TRANK1: variants seen among roughly 807,000 people sequenced by gnomAD.
The protein encoded by TRANK1 is TPR and ankyrin repeat-containing protein 1.
Under a neutral mutation model 266.0 loss-of-function variants are expected in TRANK1, and 198 were observed. The ratio of observed to expected loss-of-function variants is 0.74; its 90% CI spans 0.66 to 0.84. TRANK1 has a LOEUF of 0.84. TRANK1 is among the 40% of genes least tolerant of loss of function. TRANK1 has a pLI of 0.00. For synonymous variants in TRANK1, 1,396 were observed against 1,384.1 expected, an observed-to-expected ratio of 1.01 and a Z score of -0.19; for missense variants, 3,326 against 3,634.6, an observed-to-expected ratio of 0.92 and a Z score of 2.18.
rs143850138 is a variant in TRANK1, at chr3:36,881,744, G to C, written c.908-7448C>G. On this transcript the variant is annotated intron_variant, in intron 8 of 23. Transcript: ENST00000645898. The stretch of plus-strand genomic sequence containing the variant: ...CTAAAATAAATCTCATACACATTAA[G>C]TCATTCTCTACTCCCCTTCCCAAAC... 1.8e-3 allele frequency among the ~76,000 whole-genome samples: 268 copies of C among 152,238 alleles called. 4 individuals are homozygous for C. The East Asian group carries it at 0.041, about 23-fold the overall frequency.
intron 1 of TRANK1, among the ~76,000 whole-genome samples, chr3:36,915,853 G>A (rs1445060691): frequency 1.3e-5 from 2 of 152,192 alleles, no homozygotes; most frequent in Non-Finnish European, 2.9e-5. Flanking sequence ...GACGAGGACA[G>A]TAGGTGTCCA....
intron 4 of TRANK1, among the ~76,000 whole-genome samples, chr3:36,898,897 A>G (rs552059133): frequency 6.6e-6 from 1 of 152,080 alleles, no homozygotes; most frequent in Non-Finnish European, 1.5e-5. Context: ...AGTTTTAGTC[A>G]TTTATGTGAA....
At chr3:36,880,589 CT>C in intron 8 of TRANK1, 2 of 198,124 alleles carry the variant, frequency 1.0e-5, no homozygotes, top group South Asian at 1.1e-4. Context: ...CTGTAAATCC[CT>C]TCCACTTGAG....
intron 3 of TRANK1, among the ~76,000 whole-genome samples, chr3:36,900,056 T>C (rs1223510021): frequency 6.6e-6 from 1 of 152,160 alleles, no homozygotes; most frequent in Non-Finnish European, 1.5e-5. Flanking sequence ...GACGAAGTCT[T>C]GCTATATTGC....
intron 1 of TRANK1, among the ~76,000 whole-genome samples, chr3:36,908,756 G>A (rs2125632629): frequency 6.6e-6 from 1 of 152,328 alleles, no homozygotes; most frequent in East Asian, 1.9e-4. Context: ...CAGGTAGTGA[G>A]TGCTATCCCT....
At position 36,944,788 on chromosome 3, in the gene TRANK1, T is replaced by A; in HGVS notation, c.22A>T (p.Arg8Trp). 1 of 1,494,696 alleles carries A rather than the reference T, an allele frequency of 6.7e-7. No homozygotes were observed. Among genetic ancestry groups the A allele is most frequent in the Non-Finnish European group, 8.9e-7 (1 of 1,129,088 alleles). The allele number at this position is 1,494,696 out of a possible 1,614,324, so 92.6% of individuals were successfully genotyped here. Residue 8 changes from arginine (R) to tryptophan (W), a missense_variant and splice_region_variant, in exon 1 of 24, where the codon AGG becomes TGG. Physicochemically the swap from Arg to Trp is moderately radical, Grantham distance 101. Transcript: ENST00000645898. Reference protein sequence around the residue: MWDPRAARMDLTAYAELL... With the variant: MWDPRAAWMDLTAYAELL... ...AGTGCTTCCCGCGCCGCTACGCACC[T>A]AGCTGCCCGCGGGTCCCACATGGCT...
chr3:36,913,030 TTGTGTGTG>T (rs10633466), intron 1 of TRANK1, among the ~76,000 whole-genome samples: 2 of 144,064 alleles, frequency 1.4e-5, no homozygotes, highest in East Asian at 2.1e-4. Context: ...TATGTCTCTT[TTGTGTGTG>T]TGTGTGTGTG....
intron 2 of TRANK1, among the ~76,000 whole-genome samples, chr3:36,907,148 ATATT>A (rs747053801): frequency 6.6e-6 from 1 of 152,104 alleles, no homozygotes; most frequent in South Asian, 2.1e-4. Context: ...ATTTACTGAT[ATATT>A]TATTTATTTA....
At chr3:36,882,491 A>G (rs1261360523) in intron 8 of TRANK1, among the ~76,000 whole-genome samples, 2 of 152,252 alleles carry the variant, frequency 1.3e-5, no homozygotes, top group East Asian at 1.9e-4. Context: ...CTAGATTCTT[A>G]TAATAAACTA....
chr3:36,913,062 G>GTGTGTGTGTGTGTGT (rs2080075181), intron 1 of TRANK1, among the ~76,000 whole-genome samples: 1 of 150,908 alleles, frequency 6.6e-6, no homozygotes, highest in African/African-American at 2.4e-5. Flanking sequence ...GTGTGTGTGT[G>GTGTGTGTGTGTGTGT]ATGGAGTCTC....
chr3:36,906,325 G>A (rs1430701553), intron 2 of TRANK1, among the ~76,000 whole-genome samples: 1 of 152,172 alleles, frequency 6.6e-6, no homozygotes, highest in Non-Finnish European at 1.5e-5. Flanking sequence ...GCACCCTACA[G>A]ATGCCAACAT....
intron 12 of TRANK1, 36 bp downstream of exon 12, chr3:36,858,682 C>T: frequency 2.1e-6 from 3 of 1,459,528 alleles, no homozygotes; most frequent in Non-Finnish European, 2.7e-6. Flanking sequence ...CAGCTTCCTC[C>T]TCAAGGAGAC....
intron 9 of TRANK1, among the ~76,000 whole-genome samples, chr3:36,869,503 A>G (rs1343417043): frequency 1.3e-5 from 2 of 152,248 alleles, no homozygotes; most frequent in African/African-American, 4.8e-5. Flanking sequence ...TGCAAAAAAC[A>G]AATGTTAGGC....
chr3:36,841,402 G>A (rs1010846308), intron 18 of TRANK1, among the ~76,000 whole-genome samples: 7 of 152,176 alleles, frequency 4.6e-5, no homozygotes, highest in African/African-American at 1.7e-4. Context: ...GCATGCATGC[G>A]GAACTCCAGG....
chr3:36,828,936 C>G (rs2174854), intron 23 of TRANK1, among the ~76,000 whole-genome samples: 128,902 of 152,206 alleles, frequency 0.85, 55,111 homozygotes, highest in African/African-American at 0.96. Context: ...GGGGCATCTG[C>G]GGTTGATGAA....
At chr3:36,923,247 T>C (rs2080241114) in intron 1 of TRANK1, among the ~76,000 whole-genome samples, 1 of 132,808 alleles carries the variant, frequency 7.5e-6, no homozygotes, top group Non-Finnish European at 1.6e-5. Flanking sequence ...CCTACAACTG[T>C]CTTGGTAAAT....
intron 1 of TRANK1, among the ~76,000 whole-genome samples, chr3:36,910,730 ACTCTAT>A (rs2080039504): frequency 1.3e-5 from 2 of 150,472 alleles, no homozygotes; most frequent in Non-Finnish European, 2.9e-5. Context: ...ACAGAGTGAG[ACTCTAT>A]CTCCAAAAAA....
chr3:36,890,655 T>A (rs1252676723), intron 7 of TRANK1, among the ~76,000 whole-genome samples: 3 of 152,180 alleles, frequency 2.0e-5, no homozygotes, highest in Non-Finnish European at 4.4e-5. Flanking sequence ...CAAGCCAGTA[T>A]CTCTGATAAG....
At chr3:36,944,388 T>C (rs13421) in intron 1 of TRANK1, among the ~76,000 whole-genome samples, 92,914 of 152,094 alleles carry the variant, frequency 0.61, 28,835 homozygotes, top group African/African-American at 0.67. Flanking sequence ...CGCTCCCAGG[T>C]TTCTGCCCGC....
Sources: allele counts gnomAD v4.1 joint callset (sites outside exome capture counted in the v4.1 genomes callset), GRCh38; gene constraint gnomAD v4.1.1; transcripts MANE v1.5; gene names NCBI Gene and HGNC (gene_info 2026-07-23, HGNC 2026-07-21).